The following PKD1L1 variants were observed in gnomAD, a reference collection of about 807,000 sequenced individuals.
PKD1L1 encodes polycystin 1 like 1, transient receptor potential channel interacting.
Under a neutral mutation model 323.4 loss-of-function variants are expected in PKD1L1, and 236 were observed. The ratio of observed to expected loss-of-function variants is 0.73; its 90% CI spans 0.66 to 0.81. The LOEUF is 0.81. Ranked by LOEUF, PKD1L1 falls within the 40% of genes least tolerant of loss-of-function variation. PKD1L1 has a pLI of 0.00. For missense variants in PKD1L1, 3,320 were observed against 3,508.0 expected (o/e 0.95, Z 1.35); for synonymous variants, 1,344 against 1,335.0 (o/e 1.01, Z -0.15).
intron 48 of PKD1L1, 24 bp downstream of exon 48, chr7:47,813,907 G>A (rs766711410): frequency 1.9e-6 from 3 of 1,595,410 alleles, no homozygotes; most frequent in African/African-American, 2.7e-5. Flanking sequence ...ATTCTTGGAA[G>A]CAAAAGGAAA....
At chr7:47,811,693 G>A in intron 50 of PKD1L1, 124 bp downstream of exon 50, 3 of 733,698 alleles carry the variant, frequency 4.1e-6, no homozygotes, top group South Asian at 1.8e-5. Flanking sequence ...ATGTGACAAA[G>A]AGTGTGACCG....
At chr7:47,905,670 G>C (rs1381740676) in intron 10 of PKD1L1, among the ~76,000 whole-genome samples, 173 bp downstream of exon 10, 3 of 152,214 alleles carry the variant, frequency 2.0e-5, no homozygotes, top group Non-Finnish European at 2.9e-5. Flanking sequence ...AATGCCTGTG[G>C]TTTCAGAAAA....
intron 8 of PKD1L1, among the ~76,000 whole-genome samples, chr7:47,914,363 A>C (rs1787384837): frequency 6.6e-6 from 1 of 152,188 alleles, no homozygotes; most frequent in Non-Finnish European, 1.5e-5. Flanking sequence ...AATGATTCAC[A>C]CAGCAAAGCC....
At chr7:47,870,826 A>G (rs1410631318) in intron 24 of PKD1L1, among the ~76,000 whole-genome samples, 1 of 152,048 alleles carries the variant, frequency 6.6e-6, no homozygotes, top group Non-Finnish European at 1.5e-5. Flanking sequence ...TGATGAAATT[A>G]GCCAGGCATG....
intron 7 of PKD1L1, among the ~76,000 whole-genome samples, chr7:47,926,278 C>T (rs1356649141): frequency 1.3e-5 from 2 of 152,220 alleles, no homozygotes; most frequent in Non-Finnish European, 2.9e-5. Context: ...CTATTGATTC[C>T]AGGTCTTTAG....
intron 45 of PKD1L1, among the ~76,000 whole-genome samples, chr7:47,826,137 G>A (rs568194238): frequency 6.6e-6 from 1 of 152,180 alleles, no homozygotes; most frequent in Non-Finnish European, 1.5e-5. Flanking sequence ...AACACCTACA[G>A]GAGCTTGGAG....
chr7:47,932,634 GA>G (rs1422130111), intron 4 of PKD1L1, among the ~76,000 whole-genome samples: 1 of 152,042 alleles, frequency 6.6e-6, no homozygotes, highest in Non-Finnish European at 1.5e-5. Context: ...CCCTGCTGAT[GA>G]GCCCCAGCGA....
chr7:47,843,186 A>T lies in PKD1L1; in HGVS notation c.5238-17T>A. 6.3e-7 allele frequency: 1 copy of T among 1,575,152 alleles called. No homozygotes were observed. The highest frequency in any genetic ancestry group is 8.7e-7 in the Non-Finnish European group (1 of 1,154,024). ...TCTGGGTGGCTATAAACAAAAGGAG[A>T]GATATAAAGAAAATTGCTCATGAAA... On this transcript the variant is annotated splice_polypyrimidine_tract_variant and intron_variant, in intron 33 of 56. Transcript: ENST00000289672.
At chr7:47,899,061 G>T (rs746850122) in intron 13 of PKD1L1, among the ~76,000 whole-genome samples, 5 of 152,170 alleles carry the variant, frequency 3.3e-5, no homozygotes, top group Non-Finnish European at 7.4e-5. Flanking sequence ...ACTTCCAAAG[G>T]TGACCAATAT....
intron 55 of PKD1L1, 125 bp from the exon 56 acceptor site, chr7:47,792,922 G>T: frequency 1.2e-6 from 1 of 862,404 alleles, no homozygotes; most frequent in Non-Finnish European, 1.7e-6. Context: ...GAAACATACT[G>T]ACTCTGCCTG....
chr7:47,916,774 G>T (rs1787437175), intron 7 of PKD1L1, among the ~76,000 whole-genome samples: 1 of 152,144 alleles, frequency 6.6e-6, no homozygotes. Context: ...CATAGGAAAA[G>T]GGGATGAGTA....
At chr7:47,831,375 C>T (rs1470560114) in intron 41 of PKD1L1, 23 bp from the exon 42 acceptor site, 2 of 1,596,682 alleles carry the variant, frequency 1.3e-6, no homozygotes, top group East Asian at 2.2e-5. Context: ...AGGACAGAGA[C>T]AAGGCAGCTT....
chr7:47,821,176 T>C lies in PKD1L1; in HGVS notation c.6865A>G (p.Met2289Val), dbSNP rs919904572. ...RTRAALRDIS[M>V]DILMLLLLLC... ...AGCAGAAGCAGCATGAGGATGTCCA[T>C]GGAAATGTCTCTGTAAGAAGAGTTT... Residue 2289 changes from methionine to valine, a missense_variant, in exon 46 of 57, where the codon ATG (methionine) becomes GTG (valine). Met to Val is a conservative substitution (Grantham distance 21). Coordinates refer to ENST00000289672, the MANE Select transcript of PKD1L1 (RefSeq NM_138295.5). 8.7e-6 allele frequency: 14 copies of C among 1,602,792 alleles called. No individual in the cohort carries two copies. The highest frequency in any genetic ancestry group is 3.3e-4 in the Middle Eastern group (2 of 6,068).
chr7:47,838,876 C>CAAAAAAAA (rs57858359), intron 36 of PKD1L1, among the ~76,000 whole-genome samples: 14 of 85,240 alleles, frequency 1.6e-4, no homozygotes, highest in Non-Finnish European at 2.3e-4. Flanking sequence ...GACTCCATCT[C>CAAAAAAAA]AAAAAAAAAA....
At chr7:47,947,427 C>T (rs1487868250) in intron 1 of PKD1L1, among the ~76,000 whole-genome samples, 1 of 152,250 alleles carries the variant, frequency 6.6e-6, no homozygotes, top group Non-Finnish European at 1.5e-5. Flanking sequence ...GGGTACCCCA[C>T]TGGGCAAGAT....
chr7:47,807,622 C>T (rs909150633), intron 52 of PKD1L1, among the ~76,000 whole-genome samples: 1 of 152,154 alleles, frequency 6.6e-6, no homozygotes, highest in Admixed American at 6.5e-5. Flanking sequence ...AGGAAGGCAG[C>T]GTCCCATGCT....
intron 37 of PKD1L1, among the ~76,000 whole-genome samples, chr7:47,836,144 T>C (rs953749444): frequency 4.6e-5 from 7 of 152,214 alleles, no homozygotes; most frequent in African/African-American, 1.7e-4. Flanking sequence ...TTTTTACAAA[T>C]TCTGTGCGCT....
At chr7:47,879,705 G>C (rs60188859) in intron 21 of PKD1L1, among the ~76,000 whole-genome samples, 97 of 134,804 alleles carry the variant, frequency 7.2e-4, no homozygotes, top group Admixed American at 1.4e-3. Context: ...AGGCTGAGAC[G>C]GGCAGATCAC....
chr7:47,781,572 C>A (rs924216876), intron 56 of PKD1L1, among the ~76,000 whole-genome samples: 2 of 151,712 alleles, frequency 1.3e-5, no homozygotes, highest in African/African-American at 4.9e-5. Context: ...CCATGCCCAG[C>A]TAATTTTTTT....
Sources: gnomAD v4.1 joint callset for allele counts (sites outside exome capture counted in the v4.1 genomes callset) on GRCh38, gnomAD v4.1.1 for gene constraint, MANE v1.5 for transcripts, NCBI Gene and HGNC (gene_info 2026-07-23, HGNC 2026-07-21) for gene names.